PLEKHA5: variants seen among roughly 807,000 people sequenced by gnomAD.
The protein encoded by PLEKHA5 is pleckstrin homology domain-containing family A member 5.
Under a neutral mutation model 181.9 loss-of-function variants are expected in PLEKHA5, and 55 were observed. That is an observed-to-expected ratio of 0.30 (90% confidence interval 0.24 to 0.38). The LOEUF is 0.38. Among genes scored for constraint, PLEKHA5 ranks in the 10% least tolerant of loss-of-function variants. The pLI is 1.00. For synonymous variants in PLEKHA5, 535 were observed against 529.4 expected, an observed-to-expected ratio of 1.01 and a Z score of -0.15; for missense variants, 1,432 against 1,549.5, an observed-to-expected ratio of 0.92 and a Z score of 1.27.
intron 3 of PLEKHA5, among the ~76,000 whole-genome samples, chr12:19,212,406 C>G (rs905315667): frequency 7.2e-5 from 11 of 152,268 alleles, no homozygotes; most frequent in Middle Eastern, 3.4e-3. Context: ...TAATTGGCTG[C>G]GTGTGGTGGC....
At chr12:19,162,747 T>C (rs537789054) in intron 3 of PLEKHA5, among the ~76,000 whole-genome samples, 3 of 152,312 alleles carry the variant, frequency 2.0e-5, no homozygotes, top group African/African-American at 7.2e-5. Context: ...TCATAGGCTC[T>C]GGCAGCTAAG....
At chr12:19,297,945 C>A (rs988982943) in intron 15 of PLEKHA5, among the ~76,000 whole-genome samples, 8 of 151,956 alleles carry the variant, frequency 5.3e-5, no homozygotes, top group African/African-American at 1.9e-4. Context: ...GTGGCTCACG[C>A]CTGTAATCCC....
At chr12:19,215,129 A>G (rs1363552183) in intron 3 of PLEKHA5, among the ~76,000 whole-genome samples, 3 of 152,104 alleles carry the variant, frequency 2.0e-5, no homozygotes, top group Admixed American at 6.5e-5. Context: ...GTGAGCTGAG[A>G]TGGTGCCACT....
At chr12:19,321,079 A>G (rs2090566800) in intron 18 of PLEKHA5, among the ~76,000 whole-genome samples, 1 of 151,664 alleles carries the variant, frequency 6.6e-6, no homozygotes. Context: ...AGGCCTGAGA[A>G]TCTCTTGAAC....
chr12:19,256,174 C>A (rs2066831748), intron 5 of PLEKHA5, among the ~76,000 whole-genome samples: 1 of 152,060 alleles, frequency 6.6e-6, no homozygotes, highest in African/African-American at 2.4e-5. Flanking sequence ...AAAAAAGATT[C>A]TCAGCCTCAT....
At chr12:19,347,326 CTT>C (rs1300223491) in intron 24 of PLEKHA5, 144 bp downstream of exon 24, 9 of 395,736 alleles carry the variant, frequency 2.3e-5, no homozygotes, top group Admixed American at 4.4e-5. Context: ...TTATATATGA[CTT>C]TATCATTTGT....
intron 15 of PLEKHA5, among the ~76,000 whole-genome samples, chr12:19,298,023 G>T (rs911470592): frequency 6.6e-6 from 1 of 152,184 alleles, no homozygotes; most frequent in African/African-American, 2.4e-5. Context: ...TGGCCAACAT[G>T]GTGAACCCCA....
chr12:19,261,845 G>A (rs368946194), intron 7 of PLEKHA5, among the ~76,000 whole-genome samples: 6 of 152,272 alleles, frequency 3.9e-5, no homozygotes, highest in South Asian at 4.1e-4. Flanking sequence ...AAGACCGGTA[G>A]CAAAATTTAT....
chr12:19,303,973 G>T (rs1246917691), intron 15 of PLEKHA5, among the ~76,000 whole-genome samples: 1 of 151,364 alleles, frequency 6.6e-6, no homozygotes, highest in Non-Finnish European at 1.5e-5. Context: ...GCACCACCAT[G>T]CCCAGCTAAT....
chr12:19,366,137 T>C (rs894306658), intron 30 of PLEKHA5, 28 bp downstream of exon 30: 2 of 1,555,690 alleles, frequency 1.3e-6, no homozygotes, highest in African/African-American at 1.4e-5. Context: ...CATAATTTTC[T>C]ACCTGGTGCT....
intron 26 of PLEKHA5, among the ~76,000 whole-genome samples, chr12:19,356,128 G>A (rs1222487343): frequency 3.3e-5 from 5 of 151,456 alleles, no homozygotes; most frequent in Non-Finnish European, 5.9e-5. Context: ...TTGTACCACT[G>A]CACTCCAGCC....
chr12:19,249,517 A>G (rs910147590), intron 3 of PLEKHA5, among the ~76,000 whole-genome samples: 2 of 152,194 alleles, frequency 1.3e-5, no homozygotes, highest in Non-Finnish European at 2.9e-5. Flanking sequence ...GGGATTTTCT[A>G]TTTAATATTT....
At chr12:19,153,708 T>C (rs1199888508) in intron 3 of PLEKHA5, 2 of 152,194 alleles carry the variant, frequency 1.3e-5, no homozygotes, top group East Asian at 1.9e-4. Context: ...CATCACAGTA[T>C]CATACAGAAT....
intron 3 of PLEKHA5, among the ~76,000 whole-genome samples, chr12:19,181,225 A>G (rs1312490403): frequency 6.6e-6 from 1 of 152,236 alleles, no homozygotes. Context: ...AATTCTGCTT[A>G]GATTGTAAAG....
intron 3 of PLEKHA5, among the ~76,000 whole-genome samples, chr12:19,247,652 G>A (rs7979433): frequency 0.11 from 16,023 of 151,560 alleles, 848 homozygotes; most frequent in South Asian, 0.14. Context: ...TCTTCTGATT[G>A]TAGTAAATGA....
chr12:19,240,907 T>C (rs988151709), intron 3 of PLEKHA5, among the ~76,000 whole-genome samples: 1 of 152,170 alleles, frequency 6.6e-6, no homozygotes, highest in Non-Finnish European at 1.5e-5. Context: ...TCTGCAACTT[T>C]TCGAGTAAGT....
intron 3 of PLEKHA5, among the ~76,000 whole-genome samples, chr12:19,215,146 C>T (rs951431766): frequency 9.2e-5 from 14 of 151,742 alleles, no homozygotes; most frequent in Non-Finnish European, 2.1e-4. Flanking sequence ...CACTGCACTC[C>T]ATCCTGGAAG....
At chr12:19,212,866 G>A (rs965576616) in intron 3 of PLEKHA5, among the ~76,000 whole-genome samples, 6 of 148,448 alleles carry the variant, frequency 4.0e-5, no homozygotes, top group Non-Finnish European at 3.0e-5. Flanking sequence ...TCAGGCTCCC[G>A]GAGACTGTAA....
intron 22 of PLEKHA5, 32 bp downstream of exon 22, chr12:19,343,466 G>GTAATACTGTGGTCAGTCACAA: frequency 8.3e-7 from 1 of 1,205,888 alleles, no homozygotes; most frequent in Non-Finnish European, 1.2e-6. Context: ...TTTTGTGACT[G>GTAATACTGTGGTCAGTCACAA]ACCACAGTAT....
Sources: allele counts gnomAD v4.1 joint callset (sites outside exome capture counted in the v4.1 genomes callset), GRCh38; gene constraint gnomAD v4.1.1; transcripts MANE v1.5; gene names NCBI Gene and HGNC (gene_info 2026-07-23, HGNC 2026-07-21).